Variants in CSMD1 observed in about 807,000 individuals in gnomAD.
CSMD1 encodes the protein CUB and sushi domain-containing protein 1.
CSMD1 carries 213 observed loss-of-function variants against 417.5 expected under a neutral mutation model. The ratio of observed to expected loss-of-function variants is 0.51; its 90% CI spans 0.46 to 0.57. CSMD1 has a LOEUF of 0.57. CSMD1 is among the 20% of genes least tolerant of loss of function. CSMD1 has a pLI of 0.00. For synonymous variants in CSMD1, 2,862 were observed against 1,736.8 expected (o/e 1.65, Z -16.11); for missense variants, 6,923 against 4,529.7 (o/e 1.53, Z -15.17).
At chr8:3,795,140 T>TATAA (rs1799985414) in intron 5 of CSMD1, among the ~76,000 whole-genome samples, 1 of 37,100 alleles carries the variant, frequency 2.7e-5, no homozygotes, top group African/African-American at 6.8e-5. Context: ...CAGCTATAGA[T>TATAA]ATCTATCATG....
chr8:4,124,623 C>T lies in CSMD1; in HGVS notation c.416-92524G>A, dbSNP rs147091123. 3.2e-3 allele frequency among the ~76,000 whole-genome samples: 483 copies of T among 152,274 alleles called. 1 individual carries two copies. The highest frequency in any genetic ancestry group is 0.011 in the African/African-American group (447 of 41,568). On this transcript the variant is annotated intron_variant, in intron 3 of 69. Coordinates refer to ENST00000635120, the MANE Select transcript of CSMD1 (RefSeq NM_033225.6). Reference sequence around the variant, plus strand: ...CCTGGCACCAGCACGCACAGCCAGACCTCACTGGCAAGGCCCAGTGTGAAA... The same window carrying T: ...CCTGGCACCAGCACGCACAGCCAGATCTCACTGGCAAGGCCCAGTGTGAAA...
intron 1 of CSMD1, among the ~76,000 whole-genome samples, chr8:4,946,768 G>A (rs890683778): frequency 3.9e-5 from 6 of 152,136 alleles, no homozygotes; most frequent in Non-Finnish European, 5.9e-5. Context: ...TAACACCAAT[G>A]TTACTGGCTT....
intron 1 of CSMD1, among the ~76,000 whole-genome samples, chr8:4,799,351 C>T (rs944186672): frequency 1.3e-5 from 2 of 151,912 alleles, no homozygotes; most frequent in East Asian, 1.9e-4. Context: ...AATACAATGA[C>T]GAGTAATTTT....
chr8:2,967,768 C>T (rs952714681), intron 57 of CSMD1, among the ~76,000 whole-genome samples: 1 of 152,146 alleles, frequency 6.6e-6, no homozygotes, highest in African/African-American at 2.4e-5. Context: ...ATATATTTTT[C>T]TTAAAAGAAC....
At chr8:3,806,827 A>G (rs538950161) in intron 5 of CSMD1, among the ~76,000 whole-genome samples, 21 of 152,318 alleles carry the variant, frequency 1.4e-4, no homozygotes, top group African/African-American at 4.8e-4. Context: ...ACCTTTTCTA[A>G]CCATTTGGTC....
chr8:4,493,037 G>T lies in CSMD1; in HGVS notation c.303-72972C>A, dbSNP rs189783213. On this transcript the variant is annotated intron_variant, in intron 2 of 69. Transcript: ENST00000635120. ...TCAGAATAAAGGCCAAAAGAAAAAA[G>T]ATCAATATTAAATATTTCAGTTCTG... Among the ~76,000 whole-genome samples, 536 of 152,160 alleles carry T rather than the reference G, an allele frequency of 3.5e-3. 2 individuals carry two copies. The highest frequency in any genetic ancestry group is 6.8e-3 in the Non-Finnish European group (461 of 67,982).
chr8:3,001,119 A>G (rs950987542), intron 52 of CSMD1, among the ~76,000 whole-genome samples: 4 of 151,980 alleles, frequency 2.6e-5, no homozygotes, highest in African/African-American at 9.7e-5. Context: ...AGATGGGACT[A>G]CGCCACCATG....
At position 4,160,039 on chromosome 8, in the gene CSMD1, A is replaced by G. The variant is rs570876940; in HGVS notation, c.416-127940T>C. On this transcript the variant is annotated intron_variant, in intron 3 of 69. Transcript: ENST00000635120. ...CCAAAATTTCAGAAATCACCAAAGA[A>G]CTTTCATGTAACCAAATACCACCTG... Among the ~76,000 whole-genome samples the G allele has an allele frequency of 3.9e-5, 6 of 152,192 alleles. No homozygotes were observed. The South Asian group carries it at 1.2e-3, about 32-fold the overall frequency.
chr8:4,020,936 C>A (rs1382510642), intron 4 of CSMD1, among the ~76,000 whole-genome samples: 1 of 152,194 alleles, frequency 6.6e-6, no homozygotes, highest in Admixed American at 6.5e-5. Flanking sequence ...GGAAGAATTT[C>A]CAACACATTG....
chr8:4,704,947 G>C (rs1165187562), intron 1 of CSMD1, among the ~76,000 whole-genome samples: 2 of 152,130 alleles, frequency 1.3e-5, no homozygotes, highest in Non-Finnish European at 2.9e-5. Flanking sequence ...AGTATGGTTT[G>C]GCTCTGTGTC....
intron 2 of CSMD1, among the ~76,000 whole-genome samples, chr8:4,613,419 T>A (rs1049478952): frequency 3.9e-5 from 6 of 152,120 alleles, no homozygotes; most frequent in Non-Finnish European, 8.8e-5. Flanking sequence ...CTCATGCTAC[T>A]CATGAACTAG....
chr8:3,493,560 T>C (rs1483936927), intron 11 of CSMD1, 63 bp downstream of exon 11: 2 of 1,382,184 alleles, frequency 1.4e-6, no homozygotes, highest in East Asian at 2.5e-5. Flanking sequence ...CAGAATCTCA[T>C]CTCCACCCAC....
chr8:3,348,932 C>T (rs1356907142), intron 21 of CSMD1, among the ~76,000 whole-genome samples: 1 of 152,174 alleles, frequency 6.6e-6, no homozygotes, highest in Non-Finnish European at 1.5e-5. Flanking sequence ...ATGCTTTCAG[C>T]TCCAAAACTC....
At chr8:3,686,623 G>A (rs1006098773) in intron 7 of CSMD1, among the ~76,000 whole-genome samples, 1 of 152,268 alleles carries the variant, frequency 6.6e-6, no homozygotes, top group East Asian at 1.9e-4. Flanking sequence ...GAAAACTGAA[G>A]CCCAGGGATA....
chr8:4,753,762 G>T (rs185849343), intron 1 of CSMD1, among the ~76,000 whole-genome samples: 1 of 152,140 alleles, frequency 6.6e-6, no homozygotes, highest in Non-Finnish European at 1.5e-5. Flanking sequence ...CATTCTGATG[G>T]GAACATTCCC....
chr8:3,355,305 T>A (rs1808708450), intron 21 of CSMD1, among the ~76,000 whole-genome samples: 1 of 152,180 alleles, frequency 6.6e-6, no homozygotes. Context: ...TGAAATGATG[T>A]CATAGATGCA....
chr8:3,480,177 G>T (rs549796062), intron 11 of CSMD1, among the ~76,000 whole-genome samples: 2 of 151,934 alleles, frequency 1.3e-5, no homozygotes, highest in Non-Finnish European at 2.9e-5. Flanking sequence ...TGGGCAACAC[G>T]GTGAAACCCC....
intron 42 of CSMD1, among the ~76,000 whole-genome samples, chr8:3,116,302 G>A (rs751214450): frequency 9.2e-5 from 14 of 152,134 alleles, no homozygotes; most frequent in Non-Finnish European, 1.9e-4. Flanking sequence ...ACGAGTACTG[G>A]TAAAAATAGA....
At chr8:3,141,347 G>T (rs1160093299) in intron 41 of CSMD1, among the ~76,000 whole-genome samples, 1 of 152,144 alleles carries the variant, frequency 6.6e-6, no homozygotes, top group Non-Finnish European at 1.5e-5. Context: ...AGCTGTCCTT[G>T]TTCATTCCTG....
Sources: allele counts gnomAD v4.1 joint callset (sites outside exome capture counted in the v4.1 genomes callset), GRCh38; gene constraint gnomAD v4.1.1; transcripts MANE v1.5; gene names NCBI Gene and HGNC (gene_info 2026-07-23, HGNC 2026-07-21).